Variants in ASH1L observed in about 807,000 individuals in gnomAD.
ASH1L encodes the protein ASH1 like histone lysine methyltransferase.
In ASH1L, 23 loss-of-function variants were observed where a neutral mutation model predicts 269.0. The ratio of observed to expected loss-of-function variants is 0.09; its 90% CI spans 0.06 to 0.12. The LOEUF (loss-of-function observed/expected upper bound fraction) is 0.12, where lower values mean the gene tolerates loss of function less well. ASH1L is among the 10% of genes least tolerant of loss of function. ASH1L has a pLI of 1.00. For missense variants in ASH1L, 2,912 were observed against 3,567.8 expected, an observed-to-expected ratio of 0.82 and a Z score of 4.68; for synonymous variants, 1,187 against 1,253.5, an observed-to-expected ratio of 0.95 and a Z score of 1.12.
At chr1:155,495,341 C>T (rs912794049) in intron 2 of ASH1L, among the ~76,000 whole-genome samples, 11 of 152,076 alleles carry the variant, frequency 7.2e-5, no homozygotes, top group African/African-American at 2.4e-4. Context: ...ATGATATAGC[C>T]TGCCACACAC....
intron 2 of ASH1L, among the ~76,000 whole-genome samples, chr1:155,511,531 T>C (rs1040236891): frequency 3.3e-5 from 5 of 152,088 alleles, no homozygotes; most frequent in African/African-American, 9.7e-5. Context: ...CTGTTTCTTG[T>C]TTGTTTGTTT....
intron 2 of ASH1L, among the ~76,000 whole-genome samples, chr1:155,493,142 T>C (rs7524837): frequency 2.0e-5 from 3 of 152,184 alleles, no homozygotes; most frequent in African/African-American, 7.2e-5. Flanking sequence ...AAGTGCACAA[T>C]TCAGTGGGTT....
chr1:155,494,913 C>A (rs1242666108), intron 2 of ASH1L, among the ~76,000 whole-genome samples: 4 of 150,034 alleles, frequency 2.7e-5, no homozygotes, highest in Admixed American at 2.0e-4. Flanking sequence ...GATTGAGAAG[C>A]CAGAAAAGAA....
At chr1:155,416,520 C>T (rs977409923) in intron 5 of ASH1L, among the ~76,000 whole-genome samples, 2 of 151,926 alleles carry the variant, frequency 1.3e-5, no homozygotes, top group East Asian at 3.9e-4. Context: ...GTCACACAAC[C>T]ACCTTGCCTT....
intron 7 of ASH1L, among the ~76,000 whole-genome samples, chr1:155,385,678 G>A (rs1016438549): frequency 1.3e-5 from 2 of 152,060 alleles, no homozygotes; most frequent in Non-Finnish European, 2.9e-5. Context: ...TAAATTCAAA[G>A]TTAAACACTT....
chr1:155,387,028 G>T (rs1657494602), intron 7 of ASH1L, among the ~76,000 whole-genome samples: 1 of 151,764 alleles, frequency 6.6e-6, no homozygotes, highest in African/African-American at 2.4e-5. Flanking sequence ...GCCCAGGCTG[G>T]AGTGCAGCGA....
rs772816032 is a variant in ASH1L, at chr1:155,521,134, G to A, written c.386C>T (p.Thr129Met). 7.5e-6 allele frequency: 12 copies of A among 1,607,342 alleles called. No homozygotes were observed. In the Admixed American group the frequency reaches 8.5e-5, roughly 11 times the overall value. ...PRKALKSGKM[T>M]DEKNEHCPSK... ...AGGACAGTGTTCATTCTTTTCATCCGTCATCTTTCCACTTTTAAGTGCTTT... is the reference window on the plus strand; with the variant it reads ...AGGACAGTGTTCATTCTTTTCATCCATCATCTTTCCACTTTTAAGTGCTTT... Residue 129 changes from threonine (T) to methionine (M), a missense_variant, in exon 2 of 28, where the codon ACG becomes ATG. Thr to Met is a moderately conservative substitution (Grantham distance 81). Transcript: ENST00000392403.
At chr1:155,515,243 A>G (rs759025260) in intron 2 of ASH1L, among the ~76,000 whole-genome samples, 12 of 152,172 alleles carry the variant, frequency 7.9e-5, no homozygotes, top group Non-Finnish European at 1.6e-4. Flanking sequence ...CAATGCTTCA[A>G]AAGTTGGACG....
chr1:155,375,029 G>A lies in ASH1L; in HGVS notation c.6332+3252C>T, dbSNP rs981287600. Among the ~76,000 whole-genome samples, 5 of 152,116 alleles carry A rather than the reference G, an allele frequency of 3.3e-5. No homozygotes were observed. The East Asian group carries it at 9.6e-4, about 29-fold the overall frequency. On this transcript the variant is annotated intron_variant, in intron 10 of 27. Coordinates refer to ENST00000392403, the MANE Select transcript of ASH1L (RefSeq NM_018489.3). ...GGGTTTTGCCATGTTGCCCAGGCTG[G>A]TCTCAAACTCCTGACCTCAAGTGAT... is the stretch of plus-strand genomic sequence containing the variant.
intron 1 of ASH1L, among the ~76,000 whole-genome samples, chr1:155,538,541 T>C (rs1404250288): frequency 1.3e-5 from 2 of 150,862 alleles, no homozygotes; most frequent in Non-Finnish European, 1.5e-5. Flanking sequence ...ATATTTTCAG[T>C]AGAGACAAGG....
At chr1:155,529,234 T>C (rs1669487288) in intron 1 of ASH1L, among the ~76,000 whole-genome samples, 1 of 152,154 alleles carries the variant, frequency 6.6e-6, no homozygotes, top group Admixed American at 6.6e-5. Flanking sequence ...GAGTCAAATG[T>C]TATTTCTGTT....
chr1:155,552,293 C>A (rs752473044), intron 1 of ASH1L, among the ~76,000 whole-genome samples: 6 of 151,994 alleles, frequency 3.9e-5, no homozygotes, highest in Non-Finnish European at 5.9e-5. Context: ...TGGTGAAACC[C>A]CGTCTCTACT....
intron 3 of ASH1L, among the ~76,000 whole-genome samples, chr1:155,474,206 G>GT (rs1377726628): frequency 6.6e-6 from 1 of 152,064 alleles, no homozygotes; most frequent in Non-Finnish European, 1.5e-5. Flanking sequence ...AGTTGCACAG[G>GT]TTTTTGAGAG....
intron 4 of ASH1L, among the ~76,000 whole-genome samples, chr1:155,439,464 A>G (rs1571219829): frequency 2.0e-5 from 3 of 152,158 alleles, no homozygotes; most frequent in African/African-American, 7.2e-5. Context: ...CTGGGAGGCC[A>G]AGGCAGGAGG....
intron 21 of ASH1L, chr1:155,345,871 G>T (rs373675377): frequency 1.3e-4 from 23 of 180,130 alleles, no homozygotes; most frequent in African/African-American, 5.6e-4. Context: ...TTGCTCTGTC[G>T]CCCAGGCTGG....
chr1:155,392,171 T>G (rs1208828875), intron 7 of ASH1L, among the ~76,000 whole-genome samples: 1 of 152,140 alleles, frequency 6.6e-6, no homozygotes, highest in East Asian at 1.9e-4. Flanking sequence ...GTCAGTTACC[T>G]AGATAAGTGG....
intron 7 of ASH1L, among the ~76,000 whole-genome samples, chr1:155,386,685 C>T (rs1657458674): frequency 6.6e-6 from 1 of 152,284 alleles, no homozygotes; most frequent in East Asian, 1.9e-4. Flanking sequence ...TGAGCCACCA[C>T]ACCAGGCCTT....
At chr1:155,344,308 G>A (rs1167739125) in intron 21 of ASH1L, 35 bp from the exon 22 acceptor site, 3 of 1,464,562 alleles carry the variant, frequency 2.0e-6, no homozygotes, top group Admixed American at 1.7e-5. Flanking sequence ...ATAAGGGCTG[G>A]AATTACTACA....
chr1:155,342,285 T>C (rs979900877), intron 24 of ASH1L, among the ~76,000 whole-genome samples, 183 bp from the exon 25 acceptor site: 2 of 152,116 alleles, frequency 1.3e-5, no homozygotes, highest in Non-Finnish European at 2.9e-5. Context: ...CAGACACTAG[T>C]GTCAACAAAG....
Sources: allele counts gnomAD v4.1 joint callset (sites outside exome capture counted in the v4.1 genomes callset), GRCh38; gene constraint gnomAD v4.1.1; transcripts MANE v1.5; gene names NCBI Gene and HGNC (gene_info 2026-07-23, HGNC 2026-07-21).